Variants in SUPT6H observed in about 807,000 individuals in gnomAD.
SUPT6H encodes the protein SPT6 homolog, histone chaperone and transcription elongation factor.
Under a neutral mutation model 222.3 loss-of-function variants are expected in SUPT6H, and 11 were observed. That is an observed-to-expected ratio of 0.05 (90% confidence interval 0.03 to 0.08). The LOEUF (loss-of-function observed/expected upper bound fraction) is 0.08. SUPT6H is among the 10% of genes least tolerant of loss of function. The pLI is 1.00. For synonymous variants in SUPT6H, 762 were observed against 801.2 expected (o/e 0.95, Z 0.83); for missense variants, 1,422 against 2,216.0 (o/e 0.64, Z 7.19).
At chr17:28,675,596 T>C in intron 6 of SUPT6H, 111 bp downstream of exon 6, 2 of 1,122,690 alleles carry the variant, frequency 1.8e-6, no homozygotes, top group South Asian at 2.7e-5. Flanking sequence ...TTGCAGCCAT[T>C]TTGCTTCCCT....
intron 1 of SUPT6H, among the ~76,000 whole-genome samples, chr17:28,665,807 C>T (rs1192033942): frequency 2.0e-5 from 3 of 151,958 alleles, no homozygotes; most frequent in Non-Finnish European, 4.4e-5. Flanking sequence ...TCCTAGCTAC[C>T]TGGGAGGCTG....
chr17:28,674,796 C>G, intron 4 of SUPT6H, 174 bp from the exon 5 acceptor site: 1 of 967,084 alleles, frequency 1.0e-6, no homozygotes, highest in Non-Finnish European at 1.5e-6. Context: ...TAGAGAAAGT[C>G]TTGTCCAAGT....
intron 28 of SUPT6H, 177 bp from the exon 29 acceptor site, chr17:28,695,175 C>CA: frequency 4.7e-6 from 3 of 635,104 alleles, no homozygotes; most frequent in Non-Finnish European, 5.4e-6. Flanking sequence ...GGCCTGTAGT[C>CA]TACAGACAAG....
chr17:28,665,780 A>G (rs1033758352), intron 1 of SUPT6H, among the ~76,000 whole-genome samples: 7 of 151,928 alleles, frequency 4.6e-5, no homozygotes, highest in African/African-American at 9.7e-5. Flanking sequence ...ACGTATATGT[A>G]TATGTATATG....
At chr17:28,680,469 G>A (rs1338266057) in intron 11 of SUPT6H, among the ~76,000 whole-genome samples, 2 of 150,526 alleles carry the variant, frequency 1.3e-5, no homozygotes, top group African/African-American at 4.9e-5. Flanking sequence ...GTGGTGGTGC[G>A]TGCCTGTGAT....
At position 28,686,642 on chromosome 17, in the gene SUPT6H, T is replaced by G. The variant is rs777425241; in HGVS notation, c.2565-12T>G. ...AGAAAACATATTCATTGACCAACAC[T>G]CATCCCACCAGGGACGCCCAGATGT... On this transcript the variant is annotated splice_polypyrimidine_tract_variant and intron_variant, in intron 20 of 36. Transcript: ENST00000314616. 2 of 1,582,940 alleles carry G rather than the reference T, an allele frequency of 1.3e-6. No individual in the cohort carries two copies. Among genetic ancestry groups the G allele is most frequent in the African/African-American group, 2.7e-5 (2 of 73,700 alleles).
At chr17:28,698,440 G>A (rs1041391989) in intron 32 of SUPT6H, among the ~76,000 whole-genome samples, 1 of 152,250 alleles carries the variant, frequency 6.6e-6, no homozygotes, top group Non-Finnish European at 1.5e-5. Context: ...CCGCACTGAA[G>A]CGGTGGTCAG....
At chr17:28,685,472 C>CATTATTATTATT (rs3076012) in intron 19 of SUPT6H, among the ~76,000 whole-genome samples, 3 of 144,400 alleles carry the variant, frequency 2.1e-5, no homozygotes, top group Non-Finnish European at 3.0e-5. Flanking sequence ...TTATTATTAT[C>CATTATTATTATT]ATTATTATTA....
intron 13 of SUPT6H, 140 bp from the exon 14 acceptor site, chr17:28,682,587 C>T (rs2031173373): frequency 1.6e-6 from 2 of 1,267,676 alleles, no homozygotes; most frequent in Non-Finnish European, 2.2e-6. Flanking sequence ...CACCACTGCA[C>T]TTTAGCCTGG....
chr17:28,673,128 G>A (rs1006347044), intron 1 of SUPT6H, among the ~76,000 whole-genome samples: 4 of 150,710 alleles, frequency 2.7e-5, no homozygotes, highest in Admixed American at 6.6e-5. Flanking sequence ...TCCAGCCTGG[G>A]TGAGAGAGTG....
rs781136616 is a variant in SUPT6H, at chr17:28,673,483, A to C, written c.82A>C (p.Lys28Gln). 6.2e-7 allele frequency: 1 copy of C among 1,613,522 alleles called. No individual in the cohort carries two copies. Among genetic ancestry groups the C allele is most frequent in the Non-Finnish European group, 8.5e-7 (1 of 1,179,920 alleles). The change falls in exon 2 of 37, where the codon AAG (lysine) becomes CAG (glutamine). Residue 28 changes from lysine (K) to glutamine (Q), a missense_variant. By Grantham distance (53) the Lys-to-Gln change is moderately conservative. Around this residue, in one of 13 missense-constraint regions of SUPT6H, gnomAD observed 89 missense variants for 118.9 expected, o/e 0.75. Transcript: ENST00000314616. ...DEGEVVPRVT[K>Q]KFVEEEDDDE... The stretch of plus-strand genomic sequence containing the variant: ...AGGCGAGGTGGTACCCCGAGTCACC[A>C]AGAAATTTGTGGAAGAGGAGGATGA...
chr17:28,690,281 T>C, intron 26 of SUPT6H, 52 bp downstream of exon 26: 1 of 1,595,508 alleles, frequency 6.3e-7, no homozygotes, highest in Non-Finnish European at 8.6e-7. Flanking sequence ...GTTTACTGTG[T>C]ACATTCAAAC....
intron 2 of SUPT6H, 93 bp from the exon 3 acceptor site, chr17:28,674,190 G>A (rs1347344249): frequency 2.1e-5 from 31 of 1,503,138 alleles, no homozygotes; most frequent in Non-Finnish European, 2.8e-5. Flanking sequence ...AGGTCATTAG[G>A]TGCAGAGCAA....
In SUPT6H at chr17:28,701,629, G is replaced by A; in HGVS notation, c.*4G>A. ...CCTGGACGAGATGGATCGGTAGGGG[G>A]CCTGCTCCTCGGACTCTGGTTACCT... On this transcript the variant is annotated 3_prime_UTR_variant, in exon 37 of 37. Coordinates refer to ENST00000314616, the MANE Select transcript of SUPT6H (RefSeq NM_003170.5). 1 of 1,601,906 alleles carries A rather than the reference G, an allele frequency of 6.2e-7. No individual in the cohort carries two copies. The highest frequency in any genetic ancestry group is 1.1e-5 in the South Asian group (1 of 90,538).
intron 33 of SUPT6H, 118 bp downstream of exon 33, chr17:28,700,011 A>G (rs191973170): frequency 2.5e-5 from 35 of 1,379,064 alleles, no homozygotes; most frequent in Non-Finnish European, 3.5e-5. Flanking sequence ...CAGCTGTCTT[A>G]CTCCTCCTGC....
At chr17:28,674,728 G>A (rs2030635264) in intron 4 of SUPT6H, 115 bp downstream of exon 4, 3 of 1,009,040 alleles carry the variant, frequency 3.0e-6, no homozygotes, top group African/African-American at 3.2e-5. Context: ...TTAGAGCACG[G>A]TGTTCGGTAT....
chr17:28,683,576 AC>A, intron 16 of SUPT6H, 44 bp from the exon 17 acceptor site: 1 of 1,599,692 alleles, frequency 6.3e-7, no homozygotes, highest in South Asian at 1.1e-5. Context: ...ATTGGGTGTC[AC>A]CTTTTCTCCA....
rs561132157 is a variant in SUPT6H, at chr17:28,698,112, T to C, written c.4448+82T>C. The C allele has an allele frequency of 3.3e-6, 5 of 1,495,504 alleles. No individual in the cohort carries two copies. The Admixed American group carries it at 1.1e-4, about 32-fold the overall frequency. The allele number at this position is 1,495,504 out of a possible 1,614,324, so 92.6% of individuals were successfully genotyped here. ...CAGGGAGAGGCCCGGAGCAGTGCCCTCTCTGGCTCTGCTGGACTGCCTTTC... is the reference window on the plus strand; with the variant it reads ...CAGGGAGAGGCCCGGAGCAGTGCCCCCTCTGGCTCTGCTGGACTGCCTTTC... On this transcript the variant is annotated intron_variant, in intron 32 of 36. Coordinates refer to ENST00000314616, the MANE Select transcript of SUPT6H (RefSeq NM_003170.5).
chr17:28,701,174 G>C (rs1475414193), intron 36 of SUPT6H, 46 bp downstream of exon 36: 1 of 1,559,648 alleles, frequency 6.4e-7, no homozygotes. Context: ...GGTAGGGGCA[G>C]GTGTTGTCAA....
Sources: allele counts gnomAD v4.1 joint callset (sites outside exome capture counted in the v4.1 genomes callset), GRCh38; gene constraint gnomAD v4.1.1; regional missense constraint gnomAD v4.1.1; transcripts MANE v1.5; gene names NCBI Gene and HGNC (gene_info 2026-07-23, HGNC 2026-07-21).